The following FAM83B variants were observed in gnomAD, a reference collection of about 807,000 sequenced individuals.
The protein encoded by FAM83B is protein FAM83B.
In FAM83B, 26 loss-of-function variants were observed where a neutral mutation model predicts 38.8. The observed-to-expected ratio is 0.67, with a 90% confidence interval of 0.49 to 0.93. The LOEUF is 0.93. FAM83B is among the 40% of genes least tolerant of loss of function. FAM83B has a pLI of 0.00. For missense variants in FAM83B, 1,237 were observed against 1,197.3 expected (o/e 1.03, Z -0.49); for synonymous variants, 419 against 423.1 (o/e 0.99, Z 0.12).
At chr6:54,881,528 C>A (rs1772131808) in intron 2 of FAM83B, among the ~76,000 whole-genome samples, 1 of 151,892 alleles carries the variant, frequency 6.6e-6, no homozygotes, top group East Asian at 1.9e-4. Context: ...AAATATCAAT[C>A]CAATATACGC....
chr6:54,940,846 C>G lies in FAM83B; in HGVS notation c.1875C>G (p.Asn625Lys). The G allele has an allele frequency of 6.2e-7, 1 of 1,613,972 alleles. No individual in the cohort carries two copies. Among genetic ancestry groups the G allele is most frequent in the Non-Finnish European group, 8.5e-7 (1 of 1,179,986 alleles). ...QVPENHSVALNQTTNGHTESN... is the reference protein window; with the variant it reads ...QVPENHSVALKQTTNGHTESN... The stretch of plus-strand genomic sequence containing the variant: ...CTGAAAACCACTCAGTAGCCTTAAA[C>G]CAAACTACAAATGGCCATACTGAAT... Residue 625 changes from asparagine to lysine, a missense_variant, in exon 5 of 5, where the codon AAC becomes AAG. Physicochemically the swap from Asn to Lys is moderately conservative, Grantham distance 94. Transcript: ENST00000306858.
intron 2 of FAM83B, among the ~76,000 whole-genome samples, chr6:54,890,483 A>T (rs374879495): frequency 6.6e-6 from 1 of 152,106 alleles, no homozygotes; most frequent in Admixed American, 6.6e-5. Context: ...GTTTCATGTT[A>T]ACTTGTATGT....
chr6:54,879,105 T>A (rs1772064832), intron 2 of FAM83B, among the ~76,000 whole-genome samples: 1 of 152,198 alleles, frequency 6.6e-6, no homozygotes, highest in South Asian at 2.1e-4. Context: ...AAGGGGACTT[T>A]TAAGTTACGA....
At chr6:54,906,789 A>T (rs1011285503) in intron 2 of FAM83B, among the ~76,000 whole-genome samples, 2 of 152,316 alleles carry the variant, frequency 1.3e-5, no homozygotes, top group African/African-American at 4.8e-5. Flanking sequence ...GATTATTTTT[A>T]AAAATGGTGA....
intron 2 of FAM83B, among the ~76,000 whole-genome samples, chr6:54,874,755 A>T (rs1771952115): frequency 1.3e-5 from 2 of 152,118 alleles, no homozygotes; most frequent in East Asian, 1.9e-4. Context: ...GTGAGATGTG[A>T]ATCTTACTCT....
At chr6:54,928,116 CCTAATA>C (rs1773346584) in intron 4 of FAM83B, among the ~76,000 whole-genome samples, 1 of 152,106 alleles carries the variant, frequency 6.6e-6, no homozygotes, top group Non-Finnish European at 1.5e-5. Context: ...TAAACACTGC[CCTAATA>C]CTCTCTTGTA....
Position 54,886,529 on chromosome 6 carries a change from T to G in FAM83B, c.444+15839T>G, listed in dbSNP as rs148482067. On this transcript the variant is annotated intron_variant, in intron 2 of 4. Coordinates refer to ENST00000306858, the MANE Select transcript of FAM83B (RefSeq NM_001010872.3). ...TTTTACTGCTTTTAAGTTATATTTTTTACAGGAACACCTGAGTTTTTCTTA... is the reference window on the plus strand; with the variant it reads ...TTTTACTGCTTTTAAGTTATATTTTGTACAGGAACACCTGAGTTTTTCTTA... Among the ~76,000 whole-genome samples the G allele has an allele frequency of 8.3e-4, 126 of 152,158 alleles. 2 individuals carry two copies. The East Asian group carries it at 0.021, about 26-fold the overall frequency.
intron 2 of FAM83B, among the ~76,000 whole-genome samples, chr6:54,871,281 G>T (rs1771845556): frequency 6.6e-6 from 1 of 151,962 alleles, no homozygotes; most frequent in Admixed American, 6.6e-5. Flanking sequence ...ACATCTCACA[G>T]ATCTTATTTT....
chr6:54,911,626 T>C (rs1772910453), intron 2 of FAM83B, among the ~76,000 whole-genome samples: 1 of 152,104 alleles, frequency 6.6e-6, no homozygotes, highest in Non-Finnish European at 1.5e-5. Flanking sequence ...AGCTTAAGGT[T>C]AGATTTTTTA....
rs1219670260 is a variant in FAM83B, at chr6:54,942,450, G to A, written c.*443G>A. On this transcript the variant is annotated 3_prime_UTR_variant, in exon 5 of 5. Transcript: ENST00000306858. ...CAAATGGGACAAAGCCCTTTTTTAA[G>A]ATTAACTTGAAGTTCTACGGGATAA... 6.6e-6 allele frequency among the ~76,000 whole-genome samples: 1 copy of A among 152,070 alleles called. No homozygotes were observed. Among genetic ancestry groups the A allele is most frequent in the African/African-American group, 2.4e-5 (1 of 41,410 alleles).
intron 3 of FAM83B, among the ~76,000 whole-genome samples, chr6:54,926,849 A>T (rs1773298541): frequency 6.6e-6 from 1 of 152,042 alleles, no homozygotes. Flanking sequence ...CTCCTGCCTC[A>T]GCCTCTCGAG....
chr6:54,900,696 A>G (rs2127582176), intron 2 of FAM83B, among the ~76,000 whole-genome samples: 1 of 152,298 alleles, frequency 6.6e-6, no homozygotes, highest in South Asian at 2.1e-4. Context: ...TATGCACAGG[A>G]AATCCAGTGC....
chr6:54,931,121 T>C (rs1269824384), intron 4 of FAM83B, among the ~76,000 whole-genome samples: 2 of 152,214 alleles, frequency 1.3e-5, no homozygotes, highest in Non-Finnish European at 2.9e-5. Context: ...ATTTTCCTTG[T>C]ACCATTGATT....
At chr6:54,850,928 G>T (rs566484882) in intron 1 of FAM83B, among the ~76,000 whole-genome samples, 64 of 146,822 alleles carry the variant, frequency 4.4e-4, no homozygotes, top group Non-Finnish European at 8.3e-4. Context: ...CTGAGGCAGA[G>T]AATTTTTTGA....
Position 54,939,934 on chromosome 6 carries a change from C to T in FAM83B, c.963C>T (p.Asn321=). The stretch of plus-strand genomic sequence containing the variant: ...TAGCATCTGTTTCCAGCCAGAGAAA[C>T]CTTTTTGGTAGACAAGACAAGATTC... ...SSLASVSSQR[N]LFGRQDKIHK... The change falls in exon 5 of 5, where the codon AAC becomes AAT. Residue 321 remains asparagine (N), a synonymous_variant. Coordinates refer to ENST00000306858, the MANE Select transcript of FAM83B (RefSeq NM_001010872.3). 1 of 1,614,016 alleles carries T rather than the reference C, an allele frequency of 6.2e-7. No homozygotes were observed. Among genetic ancestry groups the T allele is most frequent in the Non-Finnish European group, 8.5e-7 (1 of 1,179,972 alleles).
chr6:54,856,642 G>T (rs1260356217), intron 1 of FAM83B, among the ~76,000 whole-genome samples: 2 of 151,988 alleles, frequency 1.3e-5, no homozygotes, highest in African/African-American at 2.4e-5. Context: ...AACAAGTAAA[G>T]AAGCCAACAA....
At chr6:54,928,114 GC>G (rs1466976845) in intron 4 of FAM83B, among the ~76,000 whole-genome samples, 1 of 152,176 alleles carries the variant, frequency 6.6e-6, no homozygotes, top group Non-Finnish European at 1.5e-5. Flanking sequence ...TGTAAACACT[GC>G]CCTAATACTC....
intron 2 of FAM83B, among the ~76,000 whole-genome samples, chr6:54,915,669 G>C (rs567256596): frequency 7.8e-6 from 1 of 128,166 alleles, no homozygotes; most frequent in South Asian, 2.5e-4. Context: ...AGCCGGGCGC[G>C]GTGGCGGGCG....
rs1773617109 is a variant in FAM83B at position 54,939,841 on chromosome 6, A to G, written c.870A>G (p.Glu290=). ...SCVPSSFAQE[E]SARVKHGKAL... ...TCCCTAGTTCATTTGCTCAGGAAGA[A>G]TCAGCAAGGGTGAAGCATGGAAAAG... is the stretch of plus-strand genomic sequence containing the variant. Residue 290 remains glutamate, a synonymous_variant, in exon 5 of 5, where the codon GAA becomes GAG. Transcript: ENST00000306858. The G allele has an allele frequency of 6.2e-7, 1 of 1,613,914 alleles. No homozygotes were observed. Among genetic ancestry groups the G allele is most frequent in the African/African-American group, 1.3e-5 (1 of 74,898 alleles).
Sources: gnomAD v4.1 joint callset for allele counts (sites outside exome capture counted in the v4.1 genomes callset) on GRCh38, gnomAD v4.1.1 for gene constraint, MANE v1.5 for transcripts, NCBI Gene and HGNC (gene_info 2026-07-23, HGNC 2026-07-21) for gene names.